Variants in GMPPB observed in about 807,000 individuals in gnomAD.
The protein encoded by GMPPB is GDP-mannose pyrophosphorylase B.
In GMPPB, 38 loss-of-function variants were observed where a neutral mutation model predicts 40.3. The ratio of observed to expected loss-of-function variants is 0.94; its 90% CI spans 0.73 to 1.24. The LOEUF (loss-of-function observed/expected upper bound fraction) is 1.24. Ranked by LOEUF, GMPPB falls within the 50% of genes most tolerant of loss-of-function variation. GMPPB has a pLI of 0.00. For missense variants in GMPPB, 436 were observed against 487.1 expected, an observed-to-expected ratio of 0.90 and a Z score of 0.99; for synonymous variants, 193 against 191.8, an observed-to-expected ratio of 1.01 and a Z score of -0.05.
rs752804068 is a variant in GMPPB at position 49,721,264 on chromosome 3, G to GAGA, written c.*485_*487dup. On this transcript the variant is annotated 3_prime_UTR_variant, in exon 9 of 9. Transcript: ENST00000308388. ...CACCATCGTGTCTGTAGAGGACTGG[G>GAGA]AGAAGGGAGCCAATACGAGTACTAC... 1 of 1,614,224 alleles carries GAGA rather than the reference G, an allele frequency of 6.2e-7. No homozygotes were observed. The highest frequency in any genetic ancestry group is 8.5e-7 in the Non-Finnish European group (1 of 1,180,034).
rs764625823 is a variant in GMPPB, at chr3:49,723,636, T to C, written c.91A>G (p.Lys31Glu). The change falls in exon 1 of 9, where the codon AAG becomes GAG. Residue 31 changes from lysine (K) to glutamate (E), a missense_variant. Lys to Glu is a moderately conservative substitution (Grantham distance 56). Transcript: ENST00000308388. ...TPKPLVDFCNKPILLHQVEAL... is the reference protein window; with the variant it reads ...TPKPLVDFCNEPILLHQVEAL... ...TCCACTTGGTGCAGCAAGATGGGCT[T>C]ATTGCAGAAGTCCACCAGTGGCTTC... 6 of 1,584,358 alleles carry C rather than the reference T, an allele frequency of 3.8e-6. No individual in the cohort carries two copies. The highest frequency in any genetic ancestry group is 5.1e-6 in the Non-Finnish European group (6 of 1,165,432).
chr3:49,721,064 C>T lies in GMPPB; in HGVS notation c.*688G>A, dbSNP rs34127462. 2,814 of 1,613,888 alleles carry T rather than the reference C, an allele frequency of 1.7e-3. 44 individuals are homozygous for T. In the African/African-American group the frequency reaches 0.033, roughly 19 times the overall value. ...TCTGCCCCATCTGCTATGCCCACCCCATCTCTGCTGTGTTCCAGCCCTGTG... is the reference window on the plus strand; with the variant it reads ...TCTGCCCCATCTGCTATGCCCACCCTATCTCTGCTGTGTTCCAGCCCTGTG... On this transcript the variant is annotated 3_prime_UTR_variant, in exon 9 of 9. Coordinates refer to ENST00000308388, the MANE Select transcript of GMPPB (RefSeq NM_021971.4).
In GMPPB at chr3:49,723,272, C is replaced by T. The variant is rs2080451593; in HGVS notation, c.241G>A (p.Glu81Lys). ...LGIRISMSHE[E>K]EPLGTAGPLA... is the part of the protein sequence containing the mutation. ...TACTGACCTGTCCCCAAAGGCTCCT[C>T]TTCATGGGACATGGAGATTCGGATT... Residue 81 changes from glutamate to lysine, a missense_variant, in exon 3 of 9, where the codon GAG (glutamate) becomes AAG (lysine). By Grantham distance (56) the Glu-to-Lys change is moderately conservative. Transcript: ENST00000308388. 6.2e-7 allele frequency: 1 copy of T among 1,614,178 alleles called. No individual in the cohort carries two copies.
Position 49,722,420 on chromosome 3 carries a change from T to C in GMPPB, c.640+12A>G. On this transcript the variant is annotated intron_variant, in intron 6 of 8. Transcript: ENST00000308388. ...CACAGACCACCCCCACCCTGTGGCCTCCCTGCCTCACCCTGTAACTCCATG... is the reference window on the plus strand; with the variant it reads ...CACAGACCACCCCCACCCTGTGGCCCCCCTGCCTCACCCTGTAACTCCATG... 6.2e-7 allele frequency: 1 copy of C among 1,614,036 alleles called. No individual in the cohort carries two copies. The highest frequency in any genetic ancestry group is 8.5e-7 in the Non-Finnish European group (1 of 1,179,950).
chr3:49,723,517 G>A, intron 1 of GMPPB, 45 bp from the exon 2 acceptor site: 1 of 1,611,616 alleles, frequency 6.2e-7, no homozygotes, highest in Non-Finnish European at 8.5e-7. Context: ...AGAAGGTACG[G>A]GAGCCCCTGA....
rs750374128 is a variant in GMPPB, at chr3:49,720,052, A to G, written c.*1700T>C. On this transcript the variant is annotated 3_prime_UTR_variant, in exon 9 of 9. Transcript: ENST00000308388. ...TACCCCAGGCCGGGCGCGGTGGCTC[A>G]CGCCTGTAATCCCAGCACTTTGGGA... The G allele has an allele frequency of 6.3e-6, 1 of 159,710 alleles. No homozygotes were observed. Among genetic ancestry groups the G allele is most frequent in the Non-Finnish European group, 1.4e-5 (1 of 72,502 alleles). 9.9% of individuals were successfully genotyped at this position (159,710 alleles called of 1,614,324 possible).
In GMPPB at chr3:49,723,785, C is replaced by A. The variant is rs889676676; in HGVS notation, c.-59G>T. On this transcript the variant is annotated 5_prime_UTR_variant, in exon 1 of 9. Transcript: ENST00000308388. ...TCTGAGGTGCCTGCAGCCCGCCTGG[C>A]CGGTCCCTGCCGCGCACTCCCAACG... The A allele has an allele frequency of 6.7e-7, 1 of 1,496,222 alleles. No homozygotes were observed. Among genetic ancestry groups the A allele is most frequent in the Non-Finnish European group, 8.8e-7 (1 of 1,135,122 alleles). The allele number at this position is 1,496,222 out of a possible 1,614,324, so 92.7% of individuals were successfully genotyped here.
chr3:49,722,249 A>G lies in GMPPB; in HGVS notation c.750T>C (p.Ile250=). ...GCCTCACCACCAGCACGTTGCCCAC[A>G]ATGCCAGGGCCTGAGCACAGCCGCT... ...QPERLCSGPG[I]VGNVLVDPSA... is the part of the protein sequence containing the mutation. Residue 250 remains isoleucine, a synonymous_variant, in exon 7 of 9, where the codon ATT becomes ATC. Transcript: ENST00000308388. 1 of 1,613,606 alleles carries G rather than the reference A, an allele frequency of 6.2e-7. No individual in the cohort carries two copies. The highest frequency in any genetic ancestry group is 1.1e-5 in the South Asian group (1 of 91,042).
chr3:49,723,936 T>G lies in GMPPB; in HGVS notation c.-210A>C, dbSNP rs1168716258. Reference sequence around the variant, plus strand: ...CAGAACGCGACACCGGGTAGACGGCTGCTGGCCCCGAACTCAGGCCGGACC... The same window carrying G: ...CAGAACGCGACACCGGGTAGACGGCGGCTGGCCCCGAACTCAGGCCGGACC... On this transcript the variant is annotated 5_prime_UTR_variant, in exon 1 of 9. Coordinates refer to ENST00000308388, the MANE Select transcript of GMPPB (RefSeq NM_021971.4). 2 of 491,840 alleles carry G rather than the reference T, an allele frequency of 4.1e-6. No homozygotes were observed. Among genetic ancestry groups the G allele is most frequent in the South Asian group, 3.7e-5 (1 of 27,148 alleles). 30.5% of individuals were successfully genotyped at this position (491,840 alleles called of 1,614,324 possible).
rs1161894039 is a variant in GMPPB, at chr3:49,720,344, G to A, written c.*1408C>T. The A allele has an allele frequency of 1.8e-6, 1 of 545,520 alleles. No homozygotes were observed. Among genetic ancestry groups the A allele is most frequent in the East Asian group, 3.2e-5 (1 of 31,224 alleles). The allele number at this position is 545,520 out of a possible 1,614,324, so 33.8% of individuals were successfully genotyped here. A position where few individuals can be genotyped will look rare whatever the true frequency, so the allele number is the denominator to read the frequency against. ...AAAAAAAAAAAAAAACAGGCTGTGTGGCACCTTACTAGAATACAGGACTTG... is the reference window on the plus strand; with the variant it reads ...AAAAAAAAAAAAAAACAGGCTGTGTAGCACCTTACTAGAATACAGGACTTG... On this transcript the variant is annotated 3_prime_UTR_variant, in exon 9 of 9. Coordinates refer to ENST00000308388, the MANE Select transcript of GMPPB (RefSeq NM_021971.4).
In GMPPB at chr3:49,722,245, C is replaced by A. The variant is rs749927415; in HGVS notation, c.754G>T (p.Gly252Cys). 6.2e-7 allele frequency: 1 copy of A among 1,613,446 alleles called. No homozygotes were observed. The highest frequency in any genetic ancestry group is 8.5e-7 in the Non-Finnish European group (1 of 1,179,736). ...AAGGGCCTCACCACCAGCACGTTGC[C>A]CACAATGCCAGGGCCTGAGCACAGC... ...ERLCSGPGIV[G>C]NVLVDPSARI... Residue 252 changes from glycine (G) to cysteine (C), a missense_variant, in exon 7 of 9, where the codon GGC becomes TGC. Physicochemically the swap from Gly to Cys is radical, Grantham distance 159. Coordinates refer to ENST00000308388, the MANE Select transcript of GMPPB (RefSeq NM_021971.4).
rs1575292483 is a variant in GMPPB at position 49,721,237 on chromosome 3, A to G, written c.*515T>C. On this transcript the variant is annotated 3_prime_UTR_variant, in exon 9 of 9. Coordinates refer to ENST00000308388, the MANE Select transcript of GMPPB (RefSeq NM_021971.4). ...CAACAAGGACTGCTTCTTCTGCAAA[A>G]CCACCATCGTGTCTGTAGAGGACTG... The G allele has an allele frequency of 6.2e-7, 1 of 1,614,162 alleles. No individual in the cohort carries two copies. Among genetic ancestry groups the G allele is most frequent in the Non-Finnish European group, 8.5e-7 (1 of 1,180,022 alleles).
At chr3:49,723,555 C>G in intron 1 of GMPPB, 43 bp downstream of exon 1, 2 of 1,608,268 alleles carry the variant, frequency 1.2e-6, no homozygotes, top group Non-Finnish European at 1.7e-6. Flanking sequence ...TCCCTAGTCC[C>G]GCCAGATCCG....
Position 49,723,265 on chromosome 3 carries a change from G to A in GMPPB, c.248C>T (p.Pro83Leu). Reference sequence around the variant, plus strand: ...CTGCCTCTACTGACCTGTCCCCAAAGGCTCCTCTTCATGGGACATGGAGAT... The same window carrying A: ...CTGCCTCTACTGACCTGTCCCCAAAAGCTCCTCTTCATGGGACATGGAGAT... ...IRISMSHEEE[P>L]LGTAGPLALA... The change falls in exon 3 of 9, where the codon CCT (proline) becomes CTT (leucine). Residue 83 changes from proline to leucine, a missense_variant. By Grantham distance (98) the Pro-to-Leu change is moderately conservative. Coordinates refer to ENST00000308388, the MANE Select transcript of GMPPB (RefSeq NM_021971.4). 6.2e-7 allele frequency: 1 copy of A among 1,614,146 alleles called. No homozygotes were observed.
Position 49,721,905 on chromosome 3 carries a change from G to A in GMPPB, c.952-22C>T, listed in dbSNP as rs764575305. 2.5e-6 allele frequency: 4 copies of A among 1,613,782 alleles called. No homozygotes were observed. The South Asian group carries it at 3.3e-5, about 13-fold the overall frequency. The stretch of plus-strand genomic sequence containing the variant: ...GTACCTCCAGGAGAGGATAGGCCTT[G>A]TCAGGGAGGCAGGCACACTCCCCGC... On this transcript the variant is annotated intron_variant, in intron 8 of 8. Transcript: ENST00000308388.
intron 3 of GMPPB, 50 bp downstream of exon 3, chr3:49,723,204 T>C: frequency 2.5e-6 from 4 of 1,611,246 alleles, no homozygotes; most frequent in Non-Finnish European, 3.4e-6. Flanking sequence ...GGTCTTACCC[T>C]TTTCCTGGCC....
At position 49,721,194 on chromosome 3, in the gene GMPPB, C is replaced by T; in HGVS notation, c.*558G>A. On this transcript the variant is annotated 3_prime_UTR_variant, in exon 9 of 9. Coordinates refer to ENST00000308388, the MANE Select transcript of GMPPB (RefSeq NM_021971.4). Reference sequence around the variant, plus strand: ...CCCTCCCCTGTTGTAGAGCCTGTATCAACCAGCACCTGATGAACAACAAGG... The same window carrying T: ...CCCTCCCCTGTTGTAGAGCCTGTATTAACCAGCACCTGATGAACAACAAGG... 1 of 1,614,226 alleles carries T rather than the reference C, an allele frequency of 6.2e-7. No individual in the cohort carries two copies.
rs2080464955 is a variant in GMPPB at position 49,723,927 on chromosome 3, G to A, written c.-201C>T. 4 of 520,102 alleles carry A rather than the reference G, an allele frequency of 7.7e-6. No homozygotes were observed. The highest frequency in any genetic ancestry group is 7.8e-5 in the Admixed American group (2 of 25,688). The allele number at this position is 520,102 out of a possible 1,614,324, so 32.2% of individuals were successfully genotyped here. On this transcript the variant is annotated 5_prime_UTR_variant, in exon 1 of 9. Transcript: ENST00000308388. ...GCCACAACACAGAACGCGACACCGG[G>A]TAGACGGCTGCTGGCCCCGAACTCA...
Position 49,722,616 on chromosome 3 carries a change from C to T in GMPPB, c.541G>A (p.Ala181Thr). 6.2e-7 allele frequency: 1 copy of T among 1,614,060 alleles called. No homozygotes were observed. Among genetic ancestry groups the T allele is most frequent in the Non-Finnish European group, 8.5e-7 (1 of 1,179,978 alleles). ...CACACCTGGATGCGCTGCAGCACTG[C>T]AGGGCTCAGGATGTACATGCCTGCG... is the stretch of plus-strand genomic sequence containing the variant. Reference protein sequence around the residue: ...INAGMYILSPAVLQRIQLQPT... With the variant: ...INAGMYILSPTVLQRIQLQPT... Residue 181 changes from alanine (A) to threonine (T), a missense_variant, in exon 5 of 9, where the codon GCA becomes ACA. Ala to Thr is a moderately conservative substitution (Grantham distance 58). Transcript: ENST00000308388.
Sources: allele counts gnomAD v4.1 joint callset, GRCh38; gene constraint gnomAD v4.1.1; transcripts MANE v1.5; gene names NCBI Gene and HGNC (gene_info 2026-07-23, HGNC 2026-07-21).